The following MACROD2 variants were observed in gnomAD, a reference collection of about 807,000 sequenced individuals.
The protein encoded by MACROD2 is ADP-ribose glycohydrolase MACROD2.
Under a neutral mutation model 70.4 loss-of-function variants are expected in MACROD2, and 36 were observed. The observed-to-expected ratio is 0.51, with a 90% CI of 0.39 to 0.68. The LOEUF is 0.68. MACROD2 is among the 30% of genes least tolerant of loss of function. MACROD2 has a pLI of 0.00. For synonymous variants in MACROD2, 172 were observed against 178.8 expected (o/e 0.96, Z 0.30); for missense variants, 496 against 538.4 (o/e 0.92, Z 0.78).
chr20:15,586,518 C>A (rs1298070230), intron 8 of MACROD2, among the ~76,000 whole-genome samples: 2 of 152,176 alleles, frequency 1.3e-5, no homozygotes, highest in African/African-American at 2.4e-5. Context: ...TAGATGGATT[C>A]TTTCTTAACA....
At chr20:14,930,564 C>T (rs1205911014) in intron 5 of MACROD2, among the ~76,000 whole-genome samples, 1 of 151,968 alleles carries the variant, frequency 6.6e-6, no homozygotes, top group Non-Finnish European at 1.5e-5. Context: ...TAACTTTTAG[C>T]ATTGTTGGGA....
At chr20:14,434,430 A>C (rs982131896) in intron 3 of MACROD2, among the ~76,000 whole-genome samples, 3 of 151,596 alleles carry the variant, frequency 2.0e-5, no homozygotes, top group Non-Finnish European at 4.4e-5. Flanking sequence ...CCCCTTTCCC[A>C]GTATTAGGTG....
intron 8 of MACROD2, among the ~76,000 whole-genome samples, chr20:15,746,977 T>G (rs1445095945): frequency 6.6e-6 from 1 of 152,154 alleles, no homozygotes; most frequent in Non-Finnish European, 1.5e-5. Flanking sequence ...GCACCATCCA[T>G]GGTCAGATAG....
At chr20:15,849,711 C>T (rs781466931) in intron 8 of MACROD2, among the ~76,000 whole-genome samples, 6 of 152,160 alleles carry the variant, frequency 3.9e-5, no homozygotes, top group Non-Finnish European at 7.3e-5. Context: ...TGTCTCTGAA[C>T]CACCTCTGCA....
At chr20:15,914,400 C>A (rs985740639) in intron 10 of MACROD2, among the ~76,000 whole-genome samples, 1 of 152,170 alleles carries the variant, frequency 6.6e-6, no homozygotes, top group Non-Finnish European at 1.5e-5. Context: ...GGACATGAAC[C>A]TAAGGCAGTT....
intron 5 of MACROD2, among the ~76,000 whole-genome samples, chr20:14,915,633 C>T (rs944501290): frequency 2.0e-5 from 3 of 152,116 alleles, no homozygotes; most frequent in Non-Finnish European, 2.9e-5. Context: ...TGTGTGAGGC[C>T]GCCCAGTGCC....
At chr20:15,648,816 C>T (rs2049593854) in intron 8 of MACROD2, among the ~76,000 whole-genome samples, 1 of 152,006 alleles carries the variant, frequency 6.6e-6, no homozygotes, top group South Asian at 2.1e-4. Flanking sequence ...AATGTTTCCA[C>T]TGAGAGATGA....
At chr20:14,454,099 A>T (rs2084273504) in intron 3 of MACROD2, among the ~76,000 whole-genome samples, 1 of 151,956 alleles carries the variant, frequency 6.6e-6, no homozygotes, top group African/African-American at 2.4e-5. Flanking sequence ...AATTAATACC[A>T]TTGTTTCTGG....
At chr20:15,665,896 T>G (rs2049890742) in intron 8 of MACROD2, among the ~76,000 whole-genome samples, 1 of 152,164 alleles carries the variant, frequency 6.6e-6, no homozygotes, top group African/African-American at 2.4e-5. Flanking sequence ...CTGGTGAAGC[T>G]CTGCCTGTTT....
chr20:14,371,233 C>A (rs1315293547), intron 3 of MACROD2, among the ~76,000 whole-genome samples: 1 of 152,006 alleles, frequency 6.6e-6, no homozygotes, highest in Non-Finnish European at 1.5e-5. Flanking sequence ...GCCTGTGATA[C>A]CAGCTCTTTG....
chr20:14,930,231 A>G (rs2074281811), intron 5 of MACROD2, among the ~76,000 whole-genome samples: 1 of 152,102 alleles, frequency 6.6e-6, no homozygotes, highest in Non-Finnish European at 1.5e-5. Context: ...GTATATTGGT[A>G]TTAAGTCACA....
chr20:15,123,811 C>A (rs955026375), intron 5 of MACROD2, among the ~76,000 whole-genome samples: 1 of 152,080 alleles, frequency 6.6e-6, no homozygotes, highest in Non-Finnish European at 1.5e-5. Context: ...TCTATTTAAA[C>A]TTTATTTCTG....
intron 1 of MACROD2, among the ~76,000 whole-genome samples, chr20:14,000,355 A>C (rs1303429878): frequency 6.6e-6 from 1 of 151,790 alleles, no homozygotes; most frequent in Non-Finnish European, 1.5e-5. Flanking sequence ...CTGAAGTTCT[A>C]GTTATAGGAG....
At chr20:14,279,862 G>A (rs1260845312) in intron 3 of MACROD2, among the ~76,000 whole-genome samples, 3 of 152,108 alleles carry the variant, frequency 2.0e-5, no homozygotes, top group South Asian at 2.1e-4. Context: ...TGGCACTAAC[G>A]CGGAAACATT....
At chr20:15,214,078 CTT>C (rs1262286354) in intron 5 of MACROD2, among the ~76,000 whole-genome samples, 6 of 152,074 alleles carry the variant, frequency 3.9e-5, no homozygotes, top group Admixed American at 1.3e-4. Context: ...AATAAAAACA[CTT>C]TTATTTCATT....
intron 5 of MACROD2, among the ~76,000 whole-genome samples, chr20:15,168,445 G>A (rs2076401028): frequency 2.2e-5 from 1 of 45,570 alleles, no homozygotes; most frequent in East Asian, 1.2e-3. Context: ...TGTGGGATGT[G>A]TGTGTGTGTG....
At chr20:15,242,646 A>G (rs1445065797) in intron 6 of MACROD2, among the ~76,000 whole-genome samples, 4 of 152,218 alleles carry the variant, frequency 2.6e-5, no homozygotes, top group African/African-American at 9.6e-5. Flanking sequence ...ATCGTAAGAA[A>G]ACATTTATTT....
chr20:14,408,270 CTG>C (rs1340480225), intron 3 of MACROD2, among the ~76,000 whole-genome samples: 1 of 152,130 alleles, frequency 6.6e-6, no homozygotes, highest in Admixed American at 6.6e-5. Context: ...AGATATTCCT[CTG>C]TCTTATATCT....
At chr20:15,049,394 C>T (rs1303868181) in intron 5 of MACROD2, among the ~76,000 whole-genome samples, 1 of 151,762 alleles carries the variant, frequency 6.6e-6, no homozygotes, top group Non-Finnish European at 1.5e-5. Flanking sequence ...GCAGCTGCTA[C>T]TCAGCTGAAG....
Sources: allele counts gnomAD v4.1 joint callset (sites outside exome capture counted in the v4.1 genomes callset), GRCh38; gene constraint gnomAD v4.1.1; transcripts MANE v1.5; gene names NCBI Gene and HGNC (gene_info 2026-07-23, HGNC 2026-07-21).